Variants in ACYP2 observed in about 807,000 individuals in gnomAD.
The protein encoded by ACYP2 is acylphosphatase-2.
ACYP2 carries 12 observed loss-of-function variants against 11.2 expected under a neutral mutation model. That is an observed-to-expected ratio of 1.08 (90% CI 0.69 to 1.74). The LOEUF is 1.74. Among genes scored for constraint, ACYP2 ranks in the 40% most tolerant of loss-of-function variants. ACYP2 has a pLI of 0.00. For synonymous variants in ACYP2, 43 were observed against 32.2 expected (o/e 1.33, Z -1.13); for missense variants, 134 against 101.9 (o/e 1.31, Z -1.35).
At chr2:54,082,853 T>C (rs1677739796) in intron 4 of ACYP2, 1 of 151,988 alleles carries the variant, frequency 6.6e-6, no homozygotes, top group Admixed American at 6.6e-5. Flanking sequence ...AGGTGGTGGA[T>C]CACCTGAGGT....
chr2:54,241,116 CAG>C (rs1197652582), intron 6 of ACYP2, among the ~76,000 whole-genome samples: 1 of 152,180 alleles, frequency 6.6e-6, no homozygotes, highest in Non-Finnish European at 1.5e-5. Flanking sequence ...CAAGGAGTCT[CAG>C]AGTAGAGCAC....
chr2:54,129,188 C>G (rs1680745629), intron 4 of ACYP2, among the ~76,000 whole-genome samples: 1 of 152,064 alleles, frequency 6.6e-6, no homozygotes, highest in Admixed American at 6.5e-5. Context: ...TAATCGTATC[C>G]CCAGAATTAG....
intron 6 of ACYP2, among the ~76,000 whole-genome samples, chr2:54,185,160 A>C (rs913669840): frequency 6.6e-6 from 1 of 152,222 alleles, no homozygotes; most frequent in African/African-American, 2.4e-5. Flanking sequence ...TGATTAATCC[A>C]AGCAAATAAT....
Position 54,297,809 on chromosome 2 carries a change from C to G in ACYP2, c.405-6879C>G, listed in dbSNP as rs190966491. Among the ~76,000 whole-genome samples, 57 of 152,188 alleles carry G rather than the reference C, an allele frequency of 3.7e-4. No homozygotes were observed. The East Asian group carries it at 8.9e-3, about 24-fold the overall frequency. The stretch of plus-strand genomic sequence containing the variant: ...ATATACAGGACCTGAATTAAACAAA[C>G]TATAAAATTTTAGTGAGAAACTTAA... On this transcript the variant is annotated intron_variant, in intron 6 of 6. Transcript: ENST00000607452.
At chr2:54,004,094 C>G (rs1573494978) in intron 2 of ACYP2, among the ~76,000 whole-genome samples, 1 of 152,140 alleles carries the variant, frequency 6.6e-6, no homozygotes, top group East Asian at 1.9e-4. Context: ...AACGATTCTC[C>G]TGACTCAGCC....
intron 4 of ACYP2, among the ~76,000 whole-genome samples, chr2:54,117,527 A>C (rs1176934541): frequency 6.6e-6 from 1 of 152,192 alleles, no homozygotes; most frequent in Non-Finnish European, 1.5e-5. Flanking sequence ...TCCTGGCTTC[A>C]AGGGATCCTC....
At chr2:54,123,892 C>T (rs909244054) in intron 4 of ACYP2, among the ~76,000 whole-genome samples, 6 of 152,162 alleles carry the variant, frequency 3.9e-5, no homozygotes, top group African/African-American at 1.4e-4. Context: ...CATTGGCCAT[C>T]CCCACTATAA....
chr2:54,151,891 A>T (rs1400602070), intron 6 of ACYP2, among the ~76,000 whole-genome samples: 1 of 152,080 alleles, frequency 6.6e-6, no homozygotes, highest in Admixed American at 6.5e-5. Flanking sequence ...CTAATTACTT[A>T]AAAAAATTAA....
At chr2:54,291,266 G>C (rs944106160) in intron 6 of ACYP2, among the ~76,000 whole-genome samples, 1 of 152,126 alleles carries the variant, frequency 6.6e-6, no homozygotes, top group African/African-American at 2.4e-5. Flanking sequence ...CCTTCTACAT[G>C]TCCTCTGTTG....
chr2:53,976,475 G>A (rs1397814217), intron 2 of ACYP2, among the ~76,000 whole-genome samples: 1 of 152,166 alleles, frequency 6.6e-6, no homozygotes, highest in Admixed American at 6.5e-5. Flanking sequence ...CCAAAGTGCT[G>A]GGATTACAGG....
At chr2:54,240,394 A>T (rs955529790) in intron 6 of ACYP2, among the ~76,000 whole-genome samples, 1 of 152,198 alleles carries the variant, frequency 6.6e-6, no homozygotes, top group Non-Finnish European at 1.5e-5. Flanking sequence ...ACAAACAAAA[A>T]AGAAAATTCA....
At chr2:54,177,724 C>T (rs955944802) in intron 6 of ACYP2, among the ~76,000 whole-genome samples, 13 of 151,506 alleles carry the variant, frequency 8.6e-5, no homozygotes, top group African/African-American at 1.2e-4. Context: ...ACTACAGGCA[C>T]GCACCACCAT....
At chr2:54,252,705 C>A (rs1285876934) in intron 6 of ACYP2, among the ~76,000 whole-genome samples, 1 of 152,080 alleles carries the variant, frequency 6.6e-6, no homozygotes, top group Non-Finnish European at 1.5e-5. Flanking sequence ...AGATTTGAGT[C>A]CATCCTTGTT....
At chr2:54,016,597 C>T (rs1382549979) in intron 2 of ACYP2, among the ~76,000 whole-genome samples, 1 of 152,120 alleles carries the variant, frequency 6.6e-6, no homozygotes, top group Non-Finnish European at 1.5e-5. Flanking sequence ...TCTAATAGAT[C>T]TCTGTCTTAG....
chr2:54,197,120 C>A (rs138858096), intron 6 of ACYP2, among the ~76,000 whole-genome samples: 1 of 152,236 alleles, frequency 6.6e-6, no homozygotes, highest in East Asian at 1.9e-4. Context: ...TCCCTGAGAG[C>A]AAGCCTGAGA....
At chr2:54,203,401 C>A (rs977736895) in intron 6 of ACYP2, among the ~76,000 whole-genome samples, 14 of 152,016 alleles carry the variant, frequency 9.2e-5, no homozygotes, top group African/African-American at 3.4e-4. Flanking sequence ...AAGATCATGT[C>A]ATATGCAAAT....
At chr2:54,152,980 G>GTCCAAGTC (rs1682251160) in intron 6 of ACYP2, among the ~76,000 whole-genome samples, 1 of 151,986 alleles carries the variant, frequency 6.6e-6, no homozygotes, top group East Asian at 1.9e-4. Context: ...TCCAAGTTTT[G>GTCCAAGTC]TCAATTATGA....
At chr2:54,050,554 A>G (rs966219086) in intron 2 of ACYP2, among the ~76,000 whole-genome samples, 2 of 151,316 alleles carry the variant, frequency 1.3e-5, no homozygotes, top group Non-Finnish European at 2.9e-5. Context: ...CCTGAAAAAA[A>G]AAAAAAAAAA....
intron 6 of ACYP2, among the ~76,000 whole-genome samples, chr2:54,298,005 A>G (rs996567574): frequency 3.9e-5 from 6 of 152,362 alleles, no homozygotes; most frequent in Admixed American, 3.3e-4. Context: ...ATTTAAAACT[A>G]GAAGAATAAT....
Sources: gnomAD v4.1 joint callset for allele counts (sites outside exome capture counted in the v4.1 genomes callset) on GRCh38, gnomAD v4.1.1 for gene constraint, MANE v1.5 for transcripts, NCBI Gene and HGNC (gene_info 2026-07-23, HGNC 2026-07-21) for gene names.